Variants in PKHD1 observed in about 807,000 individuals in gnomAD.
PKHD1 encodes fibrocystin.
PKHD1 carries 291 observed loss-of-function variants against 412.0 expected under a neutral mutation model. The ratio of observed to expected loss-of-function variants is 0.71; its 90% confidence interval spans 0.64 to 0.78. The LOEUF (loss-of-function observed/expected upper bound fraction) is 0.78, where lower values mean the gene tolerates loss of function less well. Among genes scored for constraint, PKHD1 ranks in the 30% least tolerant of loss-of-function variants. The pLI is 0.00. For synonymous variants in PKHD1, 1,777 were observed against 1,821.5 expected, an observed-to-expected ratio of 0.98 and a Z score of 0.62; for missense variants, 4,825 against 4,950.7, an observed-to-expected ratio of 0.97 and a Z score of 0.76.
intron 50 of PKHD1, among the ~76,000 whole-genome samples, chr6:51,837,862 C>A (rs1184621555): frequency 6.6e-6 from 1 of 152,170 alleles, no homozygotes; most frequent in African/African-American, 2.4e-5. Flanking sequence ...GGATGTAAAG[C>A]ATGAGTTTGT....
chr6:51,654,143 A>C (rs767817531), intron 61 of PKHD1, among the ~76,000 whole-genome samples: 3 of 152,194 alleles, frequency 2.0e-5, no homozygotes, highest in Non-Finnish European at 4.4e-5. Flanking sequence ...ATTGTGATTT[A>C]CAATGTGCTT....
chr6:51,767,441 C>G (rs1053088020), intron 55 of PKHD1, among the ~76,000 whole-genome samples: 2 of 151,946 alleles, frequency 1.3e-5, no homozygotes, highest in African/African-American at 4.8e-5. Context: ...CACCCATTAA[C>G]TCGTCATTTA....
At chr6:51,897,096 A>G (rs1780196633) in intron 43 of PKHD1, among the ~76,000 whole-genome samples, 1 of 152,058 alleles carries the variant, frequency 6.6e-6, no homozygotes. Flanking sequence ...TCTGCAGGAT[A>G]TTATCCAGGA....
At chr6:52,020,554 G>A (rs537320162) in intron 33 of PKHD1, among the ~76,000 whole-genome samples, 2 of 152,262 alleles carry the variant, frequency 1.3e-5, no homozygotes, top group African/African-American at 2.4e-5. Flanking sequence ...ACAAGCTCCC[G>A]GGTGAGGCCC....
chr6:51,712,763 T>C (rs184929997), intron 60 of PKHD1, among the ~76,000 whole-genome samples: 2 of 152,346 alleles, frequency 1.3e-5, no homozygotes, highest in East Asian at 1.9e-4. Context: ...TTCACATCTC[T>C]GAAATTCAAC....
At chr6:52,019,561 G>A (rs1274909769) in intron 33 of PKHD1, among the ~76,000 whole-genome samples, 4 of 152,196 alleles carry the variant, frequency 2.6e-5, no homozygotes, top group Non-Finnish European at 5.9e-5. Context: ...TGATTAAGTA[G>A]ATGCAAATTG....
chr6:51,835,666 C>T (rs1769079444), intron 51 of PKHD1, among the ~76,000 whole-genome samples: 3 of 152,268 alleles, frequency 2.0e-5, no homozygotes, highest in Admixed American at 6.5e-5. Flanking sequence ...GAATCACATT[C>T]TTCATAGTCC....
At position 51,830,848 on chromosome 6, in the gene PKHD1, T is replaced by C. The variant is rs1167160156; in HGVS notation, c.8302+13A>G. 2 of 1,611,216 alleles carry C rather than the reference T, an allele frequency of 1.2e-6. No individual in the cohort carries two copies. The highest frequency in any genetic ancestry group is 1.7e-6 in the Non-Finnish European group (2 of 1,177,704). On this transcript the variant is annotated intron_variant, in intron 52 of 66. Coordinates refer to ENST00000371117, the MANE Select transcript of PKHD1 (RefSeq NM_138694.4). ...GCCTGTCTGTGATTCATCTCTTGGG[T>C]AGTTTTACTCACTGGGTAAAATGAG...
At chr6:51,814,801 G>A (rs556902960) in intron 52 of PKHD1, among the ~76,000 whole-genome samples, 5 of 152,266 alleles carry the variant, frequency 3.3e-5, no homozygotes, top group Admixed American at 3.3e-4. Flanking sequence ...GAAATGAGAG[G>A]TGCCTACTGG....
At chr6:52,071,619 T>C (rs1810625779) in intron 8 of PKHD1, among the ~76,000 whole-genome samples, 1 of 152,276 alleles carries the variant, frequency 6.6e-6, no homozygotes, top group Middle Eastern at 3.4e-3. Flanking sequence ...AAATTTTTTA[T>C]TATTTTTACC....
intron 60 of PKHD1, chr6:51,740,119 G>A: frequency 2.1e-6 from 1 of 473,260 alleles, no homozygotes; most frequent in South Asian, 1.5e-5. Flanking sequence ...TCACCTGCTT[G>A]GCATGAGCTG....
chr6:51,682,317 T>G (rs1776798622), intron 60 of PKHD1: 1 of 437,382 alleles, frequency 2.3e-6, no homozygotes, highest in Admixed American at 2.5e-5. Context: ...TATCATAATA[T>G]TCACTTTTTC....
At chr6:51,644,414 C>T (rs1769808579) in intron 63 of PKHD1, among the ~76,000 whole-genome samples, 1 of 152,148 alleles carries the variant, frequency 6.6e-6, no homozygotes, top group African/African-American at 2.4e-5. Context: ...GAAGACGAGG[C>T]ACGTCTATGA....
At chr6:51,814,869 C>T (rs572194690) in intron 52 of PKHD1, among the ~76,000 whole-genome samples, 1 of 152,230 alleles carries the variant, frequency 6.6e-6, no homozygotes, top group East Asian at 1.9e-4. Context: ...CCCCTCCTTG[C>T]ATCTTCTTAC....
At chr6:51,867,766 T>C (rs1238884781) in intron 48 of PKHD1, 97 bp downstream of exon 48, 4 of 1,148,040 alleles carry the variant, frequency 3.5e-6, no homozygotes, top group Non-Finnish European at 5.2e-6. Context: ...ATACTTCAAA[T>C]AATCTAGAAA....
chr6:51,842,681 A>G (rs1251367720), intron 50 of PKHD1, among the ~76,000 whole-genome samples: 1 of 152,110 alleles, frequency 6.6e-6, no homozygotes, highest in Non-Finnish European at 1.5e-5. Flanking sequence ...AGCAGCTGCA[A>G]TAATTGTGTT....
intron 60 of PKHD1, among the ~76,000 whole-genome samples, chr6:51,729,720 C>T (rs1307660013): frequency 6.6e-6 from 1 of 152,160 alleles, no homozygotes; most frequent in Admixed American, 6.5e-5. Flanking sequence ...CAAATTATCA[C>T]ACTTTTTAAT....
At chr6:51,871,044 G>A (rs974854890) in intron 46 of PKHD1, among the ~76,000 whole-genome samples, 2 of 152,134 alleles carry the variant, frequency 1.3e-5, no homozygotes, top group Non-Finnish European at 2.9e-5. Context: ...GTGCTGATGA[G>A]GATGAGAAAG....
At chr6:51,750,607 G>A (rs1785951546) in intron 57 of PKHD1, among the ~76,000 whole-genome samples, 1 of 152,090 alleles carries the variant, frequency 6.6e-6, no homozygotes, top group Non-Finnish European at 1.5e-5. Flanking sequence ...CGGCTATCCA[G>A]AAGCTCTCAG....
Sources: allele counts gnomAD v4.1 joint callset (sites outside exome capture counted in the v4.1 genomes callset), GRCh38; gene constraint gnomAD v4.1.1; transcripts MANE v1.5; gene names NCBI Gene and HGNC (gene_info 2026-07-23, HGNC 2026-07-21).